IFT140: variants seen among roughly 807,000 people sequenced by gnomAD.
IFT140 encodes the protein intraflagellar transport 140.
Under a neutral mutation model 164.6 loss-of-function variants are expected in IFT140, and 133 were observed. The observed-to-expected ratio is 0.81, with a 90% confidence interval of 0.70 to 0.93. The LOEUF is 0.93. Among genes scored for constraint, IFT140 ranks in the 40% least tolerant of loss-of-function variants. The pLI is 0.00. For missense variants in IFT140, 2,045 were observed against 1,972.3 expected, an observed-to-expected ratio of 1.04 and a Z score of -0.70; for synonymous variants, 860 against 817.3, an observed-to-expected ratio of 1.05 and a Z score of -0.89.
At chr16:1,560,690 G>C (rs2033357591) in intron 18 of IFT140, among the ~76,000 whole-genome samples, 1 of 152,186 alleles carries the variant, frequency 6.6e-6, no homozygotes, top group African/African-American at 2.4e-5. Flanking sequence ...CGCTCCCTCT[G>C]TCCCAGTTTA....
chr16:1,543,554 A>G (rs950954991), intron 19 of IFT140, among the ~76,000 whole-genome samples: 1 of 152,210 alleles, frequency 6.6e-6, no homozygotes, highest in African/African-American at 2.4e-5. Flanking sequence ...CTCCATCACC[A>G]TCGACGTGGG....
chr16:1,538,464 T>C (rs949735315), intron 19 of IFT140, among the ~76,000 whole-genome samples: 1 of 152,192 alleles, frequency 6.6e-6, no homozygotes, highest in East Asian at 1.9e-4. Context: ...ACCTCGGTCA[T>C]GCCATTCTGG....
chr16:1,595,171 G>T (rs1184570676), intron 4 of IFT140, among the ~76,000 whole-genome samples: 1 of 152,210 alleles, frequency 6.6e-6, no homozygotes, highest in Non-Finnish European at 1.5e-5. Flanking sequence ...TGTAGTCCCA[G>T]CTACTCGGGA....
At chr16:1,592,615 G>T (rs1430800617) in intron 4 of IFT140, 27 bp from the exon 5 acceptor site, 1 of 1,609,114 alleles carries the variant, frequency 6.2e-7, no homozygotes, top group South Asian at 1.1e-5. Flanking sequence ...CCACGTGTTA[G>T]GACAGGTGTC....
chr16:1,565,636 G>GGGC (rs2033670424), intron 16 of IFT140, among the ~76,000 whole-genome samples: 1 of 152,252 alleles, frequency 6.6e-6, no homozygotes, highest in Admixed American at 6.5e-5. Context: ...CACGCAGGCT[G>GGGC]GGCGGGCTCA....
chr16:1,594,751 C>T (rs910413660), intron 4 of IFT140, among the ~76,000 whole-genome samples: 14 of 152,192 alleles, frequency 9.2e-5, no homozygotes, highest in Non-Finnish European at 4.4e-5. Context: ...CGAGGGGATG[C>T]GGTTAGGCGG....
chr16:1,571,742 G>A (rs1008686194), intron 13 of IFT140, among the ~76,000 whole-genome samples: 1 of 152,208 alleles, frequency 6.6e-6, no homozygotes, highest in Non-Finnish European at 1.5e-5. Flanking sequence ...CTCTAGTGCT[G>A]CGGGGGAAGG....
intron 27 of IFT140, 122 bp from the exon 28 acceptor site, chr16:1,520,465 A>T (rs1276771175): frequency 1.5e-6 from 2 of 1,329,562 alleles, no homozygotes; most frequent in East Asian, 4.8e-5. Flanking sequence ...GAGAGATCTT[A>T]GTGGTTGTGC....
intron 11 of IFT140, 128 bp downstream of exon 11, chr16:1,584,089 A>G: frequency 1.4e-6 from 1 of 705,772 alleles, no homozygotes; most frequent in East Asian, 2.7e-5. Context: ...TATCCAGGAA[A>G]TAAGAGAATC....
At chr16:1,518,162 T>G (rs777736217) in intron 30 of IFT140, 54 bp downstream of exon 30, 4 of 1,585,518 alleles carry the variant, frequency 2.5e-6, no homozygotes, top group Non-Finnish European at 3.4e-6. Flanking sequence ...TAAGCCTTCG[T>G]TTCAGGAGCC....
At chr16:1,573,772 C>T (rs560157173) in intron 13 of IFT140, among the ~76,000 whole-genome samples, 2 of 152,326 alleles carry the variant, frequency 1.3e-5, no homozygotes, top group African/African-American at 4.8e-5. Context: ...TGCGGCGTCT[C>T]CCACAACTTC....
At chr16:1,545,545 ACAGT>A (rs1416340017) in intron 19 of IFT140, among the ~76,000 whole-genome samples, 4 of 152,138 alleles carry the variant, frequency 2.6e-5, no homozygotes, top group Non-Finnish European at 5.9e-5. Context: ...TCTGTTTTAA[ACAGT>A]CAGGGAGAGA....
intron 14 of IFT140, among the ~76,000 whole-genome samples, chr16:1,569,594 CCT>C (rs1228215113): frequency 2.7e-5 from 4 of 149,376 alleles, no homozygotes. Context: ...TTTCTCTCTC[CCT>C]CTCTCTCTCT....
chr16:1,534,942 C>T lies in IFT140; in HGVS notation c.2400-8146G>A, dbSNP rs140727617. On this transcript the variant is annotated intron_variant, in intron 19 of 30. Coordinates refer to ENST00000426508, the MANE Select transcript of IFT140 (RefSeq NM_014714.4). The stretch of plus-strand genomic sequence containing the variant: ...TATTACGGCTGGGCGCAGTGGTTCA[C>T]GTCTGTAATCCTAGCGCTTTGGGAG... 3.9e-5 allele frequency among the ~76,000 whole-genome samples: 6 copies of T among 152,234 alleles called. No homozygotes were observed. The East Asian group carries it at 1.2e-3, about 29-fold the overall frequency.
intron 24 of IFT140, chr16:1,524,248 G>A (rs868171271): frequency 1.7e-6 from 1 of 604,436 alleles, no homozygotes; most frequent in Non-Finnish European, 2.9e-6. Context: ...ACGCCCAACA[G>A]CTATCTAGGA....
chr16:1,589,457 T>C, intron 7 of IFT140, 148 bp downstream of exon 7: 1 of 672,534 alleles, frequency 1.5e-6, no homozygotes, highest in Non-Finnish European at 2.6e-6. Context: ...TGATAAATAA[T>C]GACACCGCTA....
chr16:1,611,908 C>T (rs1454228640), intron 1 of IFT140, 60 bp downstream of exon 1: 2 of 152,222 alleles, frequency 1.3e-5, no homozygotes, highest in Admixed American at 1.3e-4. Context: ...CCCAGCGCCG[C>T]TCGGCTACGC....
chr16:1,530,695 C>T (rs907157326), intron 19 of IFT140: 2 of 151,012 alleles, frequency 1.3e-5, no homozygotes, highest in African/African-American at 4.9e-5. Flanking sequence ...GCGGAGGCCA[C>T]CCGTGGGGAG....
chr16:1,573,969 C>A (rs1242156423), intron 13 of IFT140, among the ~76,000 whole-genome samples: 1 of 152,162 alleles, frequency 6.6e-6, no homozygotes, highest in Admixed American at 6.5e-5. Context: ...GCAGCCACGC[C>A]CTGCTCTCCC....
Sources: allele counts gnomAD v4.1 joint callset (sites outside exome capture counted in the v4.1 genomes callset), GRCh38; gene constraint gnomAD v4.1.1; transcripts MANE v1.5; gene names NCBI Gene and HGNC (gene_info 2026-07-23, HGNC 2026-07-21).